CDK18: variants seen among roughly 807,000 people sequenced by gnomAD.
CDK18 encodes the protein cyclin-dependent kinase 18.
CDK18 carries 52 observed loss-of-function variants against 62.0 expected under a neutral mutation model. That is an observed-to-expected ratio of 0.84 (90% CI 0.67 to 1.06). The LOEUF (loss-of-function observed/expected upper bound fraction) is 1.06, where lower values mean the gene tolerates loss of function less well. Ranked by LOEUF, CDK18 falls within the 50% of genes least tolerant of loss-of-function variation. The pLI is 0.00. For synonymous variants in CDK18, 237 were observed against 247.0 expected (o/e 0.96, Z 0.38); for missense variants, 604 against 619.9 (o/e 0.97, Z 0.27).
At chr1:205,529,732 C>T in intron 13 of CDK18, 169 bp downstream of exon 13, 1 of 1,537,270 alleles carries the variant, frequency 6.5e-7, no homozygotes, top group Non-Finnish European at 8.7e-7. Flanking sequence ...CCATACACAT[C>T]CTCTGGAGTC....
At position 205,523,543 on chromosome 1, in the gene CDK18, C is replaced by T. The variant is rs1456452969; in HGVS notation, c.191C>T (p.Thr64Ile). 1.9e-6 allele frequency: 3 copies of T among 1,606,460 alleles called. No individual in the cohort carries two copies. Among genetic ancestry groups the T allele is most frequent in the East Asian group, 2.2e-5 (1 of 44,634 alleles). ...PPQECSTFSP[T>I]DSGEEPGQLS... is the part of the protein sequence containing the mutation. ...CAGGAGTGCAGCACCTTCTCCCCAA[C>T]AGACAGCGGGGAGGAGCCGGGGCAG... The change falls in exon 3 of 16, where the codon ACA becomes ATA. Residue 64 changes from threonine (T) to isoleucine (I), a missense_variant. By Grantham distance (89) the Thr-to-Ile change is moderately conservative. Transcript: ENST00000429964.
chr1:205,523,512 C>A lies in CDK18; in HGVS notation c.160C>A (p.Pro54Thr), dbSNP rs1389441278. The A allele has an allele frequency of 1.2e-6, 2 of 1,605,252 alleles. No homozygotes were observed. Among genetic ancestry groups the A allele is most frequent in the Admixed American group, 1.7e-5 (1 of 59,160 alleles). The part of the protein sequence containing the change: ...NLQLGPLGRD[P>T]PQECSTFSPT... ...GCAGCTCGGTCCTCTTGGCAGAGAC[C>A]CCCCGCAGGAGTGCAGCACCTTCTC... Residue 54 changes from proline (P) to threonine (T), a missense_variant, in exon 3 of 16, where the codon CCC becomes ACC. Pro to Thr is a conservative substitution (Grantham distance 38). Coordinates refer to ENST00000429964, the MANE Select transcript of CDK18 (RefSeq NM_212502.3).
chr1:205,523,468 G>C lies in CDK18; in HGVS notation c.131-15G>C, dbSNP rs1010443645. 3 of 1,596,772 alleles carry C rather than the reference G, an allele frequency of 1.9e-6. No individual in the cohort carries two copies. The African/African-American group carries it at 4.0e-5, about 21-fold the overall frequency. ...CAGAGAGGCAGGGAGGGGAGCTGAC[G>C]CCTGTCCCTCTTAGACTTGCAGCTC... On this transcript the variant is annotated splice_polypyrimidine_tract_variant and intron_variant, in intron 2 of 15. Transcript: ENST00000429964.
At position 205,527,642 on chromosome 1, in the gene CDK18, G is replaced by C. The variant is rs1170683601; in HGVS notation, c.730-152G>C. 1.4e-6 allele frequency: 1 copy of C among 723,594 alleles called. No individual in the cohort carries two copies. The highest frequency in any genetic ancestry group is 2.4e-6 in the Non-Finnish European group (1 of 420,350). The allele number at this position is 723,594 out of a possible 1,614,324, so 44.8% of individuals were successfully genotyped here. ...CTCTGGATGGGATTCCCTGGTGTGGGTGGGGTCCAGGATGGGGGCTGCAGG... is the reference window on the plus strand; with the variant it reads ...CTCTGGATGGGATTCCCTGGTGTGGCTGGGGTCCAGGATGGGGGCTGCAGG... On this transcript the variant is annotated intron_variant, in intron 8 of 15. Coordinates refer to ENST00000429964, the MANE Select transcript of CDK18 (RefSeq NM_212502.3). The surrounding 1 kb of genome is among the most constrained non-coding windows in gnomAD (Gnocchi z 4.1).
In CDK18 at chr1:205,507,704, G is replaced by A. The variant is rs879634785; in HGVS notation, c.-22+2908G>A. 4.6e-5 allele frequency among the ~76,000 whole-genome samples: 7 copies of A among 151,444 alleles called. 1 individual carries two copies. In the East Asian group the frequency reaches 1.2e-3, roughly 25 times the overall value. On this transcript the variant is annotated intron_variant, in intron 1 of 15. Transcript: ENST00000429964. ...GGCATGTAGCAGAGACTAAATAACT[G>A]GTAGCTATAGTGGTTGGTGGTGCTT...
Position 205,527,617 on chromosome 1 carries a change from C to T in CDK18, c.730-177C>T, listed in dbSNP as rs1377693689. ...TCCTCTGCACCCCTGCTGTCCTCCC[C>T]TCTGGATGGGATTCCCTGGTGTGGG... is the stretch of plus-strand genomic sequence containing the variant. On this transcript the variant is annotated intron_variant, in intron 8 of 15. Transcript: ENST00000429964. The surrounding 1 kb of genome is among the most constrained non-coding windows in gnomAD (Gnocchi z 4.1). 4.6e-6 allele frequency: 3 copies of T among 654,064 alleles called. No individual in the cohort carries two copies. 40.5% of individuals were successfully genotyped at this position (654,064 alleles called of 1,614,324 possible). A position where few individuals can be genotyped will look rare whatever the true frequency, so the allele number is the denominator to read the frequency against.
At chr1:205,523,014 A>T (rs1668213434) in intron 1 of CDK18, 133 bp from the exon 2 acceptor site, 16 of 975,978 alleles carry the variant, frequency 1.6e-5, no homozygotes, top group Non-Finnish European at 2.4e-5. Flanking sequence ...TGCAGAAGAC[A>T]CAACCCTGGC....
chr1:205,519,183 T>A (rs1667988758), intron 1 of CDK18, among the ~76,000 whole-genome samples: 1 of 152,160 alleles, frequency 6.6e-6, no homozygotes, highest in Admixed American at 6.5e-5. Context: ...TAGATAGCAC[T>A]AAGGTGACAG....
rs760542009 is a variant in CDK18, at chr1:205,531,476, G to A, written c.*98G>A. 2.2e-5 allele frequency: 25 copies of A among 1,155,746 alleles called. No individual in the cohort carries two copies. The highest frequency in any genetic ancestry group is 3.1e-5 in the Non-Finnish European group (24 of 767,130). 71.6% of individuals were successfully genotyped at this position (1,155,746 alleles called of 1,614,324 possible). ...TGTGGCCCTCGGAGGACTGAAGAACGAGGGCTGACAGCCAGCCTGGAAGAC... is the reference window on the plus strand; with the variant it reads ...TGTGGCCCTCGGAGGACTGAAGAACAAGGGCTGACAGCCAGCCTGGAAGAC... On this transcript the variant is annotated 3_prime_UTR_variant, in exon 16 of 16. Transcript: ENST00000429964.
chr1:205,530,821 T>C, intron 15 of CDK18, 116 bp downstream of exon 15: 1 of 809,194 alleles, frequency 1.2e-6, no homozygotes, highest in South Asian at 1.5e-5. Flanking sequence ...TTTGGACTCT[T>C]TGGGGAGCAG....
intron 1 of CDK18, among the ~76,000 whole-genome samples, chr1:205,514,957 C>T (rs1471529156): frequency 8.6e-5 from 13 of 151,942 alleles, no homozygotes; most frequent in African/African-American, 1.9e-4. Flanking sequence ...GTGGTTTTAC[C>T]GAGGGAAAAA....
intron 1 of CDK18, among the ~76,000 whole-genome samples, chr1:205,511,040 A>G (rs565998125): frequency 6.6e-6 from 1 of 152,346 alleles, no homozygotes; most frequent in South Asian, 2.1e-4. Context: ...TCGCAAAGAA[A>G]TGGATGCTGG....
In CDK18 at chr1:205,527,484, G is replaced by GAAAAA; in HGVS notation, c.730-298_730-294dup. On this transcript the variant is annotated intron_variant, in intron 8 of 15. Coordinates refer to ENST00000429964, the MANE Select transcript of CDK18 (RefSeq NM_212502.3). The surrounding 1 kb of genome is among the most constrained non-coding windows in gnomAD (Gnocchi z 4.1). ...ACAGAGTAAAACCCTGACTCTAAAA[G>GAAAAA]AAAAAAAAAAAAAAAAGGGATCAAG... is the stretch of plus-strand genomic sequence containing the variant. The GAAAAA allele has an allele frequency of 1.6e-5, 3 of 189,436 alleles. No homozygotes were observed. Among genetic ancestry groups the GAAAAA allele is most frequent in the Non-Finnish European group, 3.1e-5 (3 of 97,870 alleles). The allele number at this position is 189,436 out of a possible 1,614,324, so 11.7% of individuals were successfully genotyped here.
At chr1:205,529,962 G>A (rs1022079710) in intron 13 of CDK18, 6 of 1,388,450 alleles carry the variant, frequency 4.3e-6, no homozygotes, top group African/African-American at 1.5e-5. Context: ...TCCTGTTACG[G>A]ATGTTCTCCA....
rs200339047 is a variant in CDK18 at position 205,526,048 on chromosome 1, G to A, written c.457-17G>A. The A allele has an allele frequency of 1.9e-6, 3 of 1,595,714 alleles. No homozygotes were observed. Among genetic ancestry groups the A allele is most frequent in the East Asian group, 2.2e-5 (1 of 44,466 alleles). On this transcript the variant is annotated splice_polypyrimidine_tract_variant and intron_variant, in intron 5 of 15. Coordinates refer to ENST00000429964, the MANE Select transcript of CDK18 (RefSeq NM_212502.3). Reference sequence around the variant, plus strand: ...GCACCTGAATGCGCCTGGGGCCGCTGTGGCCCTCCATCCCAGGGCACCTAT... The same window carrying A: ...GCACCTGAATGCGCCTGGGGCCGCTATGGCCCTCCATCCCAGGGCACCTAT...
intron 5 of CDK18, 64 bp downstream of exon 5, chr1:205,525,259 C>G: frequency 8.1e-7 from 1 of 1,241,758 alleles, no homozygotes; most frequent in African/African-American, 1.5e-5. Flanking sequence ...AGGGGCAGAC[C>G]TCCCTAGTCG....
rs1460022964 is a variant in CDK18 at position 205,517,071 on chromosome 1, A to C, written c.-21-6076A>C. The C allele has an allele frequency of 6.6e-6, 1 of 152,370 alleles. No individual in the cohort carries two copies. Among genetic ancestry groups the C allele is most frequent in the Non-Finnish European group, 1.5e-5 (1 of 68,168 alleles). The allele number at this position is 152,370 out of a possible 1,614,324, so 9.4% of individuals were successfully genotyped here. A position where few individuals can be genotyped will look rare whatever the true frequency, so the allele number is the denominator to read the frequency against. On this transcript the variant is annotated intron_variant, in intron 1 of 15. Coordinates refer to ENST00000429964, the MANE Select transcript of CDK18 (RefSeq NM_212502.3). The surrounding 1 kb of genome is among the most constrained non-coding windows in gnomAD (Gnocchi z 4.1). ...GTGGCCTGGCACAGGTTGTCCCAGC[A>C]GTCAGTGGGCTGGGAATCTGCCCTG...
At position 205,530,328 on chromosome 1, in the gene CDK18, C is replaced by T. The variant is rs751066133; in HGVS notation, c.1291C>T (p.Arg431Cys). The T allele has an allele frequency of 5.0e-6, 8 of 1,612,796 alleles. No homozygotes were observed. Among genetic ancestry groups the T allele is most frequent in the South Asian group, 4.4e-5 (4 of 91,088 alleles). ...CTCCTACTTCCGGTCTCTGGGAGAGCGTGTGCACCAGCTTGAAGACAGTGA... is the reference window on the plus strand; with the variant it reads ...CTCCTACTTCCGGTCTCTGGGAGAGTGTGTGCACCAGCTTGAAGACAGTGA... ...SHSYFRSLGERVHQLEDTASI... is the reference protein window; with the variant it reads ...SHSYFRSLGECVHQLEDTASI... The change falls in exon 14 of 16, where the codon CGT (arginine) becomes TGT (cysteine). Residue 431 changes from arginine (R) to cysteine (C), a missense_variant. Arg to Cys is a radical substitution (Grantham distance 180). Transcript: ENST00000429964.
chr1:205,515,477 A>T (rs1362945798), intron 1 of CDK18, among the ~76,000 whole-genome samples: 1 of 152,174 alleles, frequency 6.6e-6, no homozygotes, highest in Non-Finnish European at 1.5e-5. Context: ...GCGCCTAGCC[A>T]CTTTGAAAGA....
Sources: allele counts gnomAD v4.1 joint callset (sites outside exome capture counted in the v4.1 genomes callset), GRCh38; gene constraint gnomAD v4.1.1; non-coding constraint Gnocchi (gnomAD v3.1); transcripts MANE v1.5; gene names NCBI Gene and HGNC (gene_info 2026-07-23, HGNC 2026-07-21).